The following CSMD1 variants were observed in gnomAD, a reference collection of about 807,000 sequenced individuals.
The protein encoded by CSMD1 is CUB and Sushi multiple domains 1, also known as CUB and sushi domain-containing protein 1.
A neutral mutation model predicts 417.5 loss-of-function variants in CSMD1; 213 were observed. The observed-to-expected ratio is 0.51, with a 90% CI of 0.46 to 0.57. The LOEUF (loss-of-function observed/expected upper bound fraction) is 0.57. CSMD1 is among the 20% of genes least tolerant of loss of function. CSMD1 has a pLI of 0.00. For synonymous variants in CSMD1, 2,862 were observed against 1,736.8 expected (o/e 1.65, Z -16.11); for missense variants, 6,923 against 4,529.7 (o/e 1.53, Z -15.17).
intron 2 of CSMD1, among the ~76,000 whole-genome samples, chr8:4,493,061 T>C (rs972782991): frequency 1.3e-5 from 2 of 152,156 alleles, no homozygotes; most frequent in Non-Finnish European, 2.9e-5. Flanking sequence ...ATTTCAGTTC[T>C]GAGGTTAATA....
chr8:3,567,425 T>C (rs2116899625), intron 10 of CSMD1, among the ~76,000 whole-genome samples: 1 of 147,294 alleles, frequency 6.8e-6, no homozygotes, highest in African/African-American at 2.5e-5. Flanking sequence ...AATAAAAGTT[T>C]TAAAAATAAA....
intron 26 of CSMD1, among the ~76,000 whole-genome samples, chr8:3,237,074 A>C (rs542911548): frequency 6.6e-6 from 1 of 151,964 alleles, no homozygotes; most frequent in Non-Finnish European, 1.5e-5. Context: ...ACTGTTTCCA[A>C]CAGCAGGATT....
intron 3 of CSMD1, among the ~76,000 whole-genome samples, chr8:4,082,579 C>A (rs1161212551): frequency 1.3e-5 from 2 of 151,528 alleles, no homozygotes; most frequent in Admixed American, 6.6e-5. Flanking sequence ...CATTATGAGC[C>A]TAGAAGAAAA....
intron 5 of CSMD1, among the ~76,000 whole-genome samples, chr8:3,782,721 C>G (rs1252899672): frequency 6.6e-6 from 1 of 152,094 alleles, no homozygotes; most frequent in African/African-American, 2.4e-5. Context: ...GTTCAAGGAG[C>G]TGGGTGTTGG....
chr8:4,934,245 G>GA (rs548987499), intron 1 of CSMD1, among the ~76,000 whole-genome samples: 1 of 152,024 alleles, frequency 6.6e-6, no homozygotes, highest in African/African-American at 2.4e-5. Flanking sequence ...CCCCAAGGCA[G>GA]AAAAAAATAA....
intron 2 of CSMD1, among the ~76,000 whole-genome samples, chr8:4,434,411 C>T (rs913825987): frequency 8.5e-5 from 13 of 152,284 alleles, no homozygotes; most frequent in African/African-American, 3.1e-4. Flanking sequence ...TGTTTGGCAG[C>T]ACAAGCCACT....
chr8:3,490,380 G>A (rs1248476127), intron 11 of CSMD1, among the ~76,000 whole-genome samples: 1 of 152,128 alleles, frequency 6.6e-6, no homozygotes, highest in Non-Finnish European at 1.5e-5. Context: ...ATGAGTGTAT[G>A]ATTTTAGATC....
Position 2,974,563 on chromosome 8 carries a change from G to C in CSMD1, c.8628C>G (p.Thr2876=). The C allele has an allele frequency of 6.2e-7, 1 of 1,613,084 alleles. No homozygotes were observed. Among genetic ancestry groups the C allele is most frequent in the Non-Finnish European group, 8.5e-7 (1 of 1,179,498 alleles). ...AGGAGTAGTGCACGACGGCGCCATA[G>C]GTAAACAGCTCTCCAGTGAGGACGG... ...ANAVLTGELF[T]YGAVVHYSCR... is the part of the protein sequence containing the mutation. The change falls in exon 56 of 70, where the codon ACC becomes ACG. Residue 2876 remains threonine, a synonymous_variant. Transcript: ENST00000635120.
intron 5 of CSMD1, among the ~76,000 whole-genome samples, chr8:3,974,898 T>C (rs1291806386): frequency 1.3e-5 from 2 of 152,292 alleles, no homozygotes; most frequent in Non-Finnish European, 2.9e-5. Flanking sequence ...ATAACATATA[T>C]TTTTATCTAC....
intron 1 of CSMD1, among the ~76,000 whole-genome samples, chr8:4,735,119 T>C (rs1247197276): frequency 6.6e-6 from 1 of 152,210 alleles, no homozygotes; most frequent in Non-Finnish European, 1.5e-5. Flanking sequence ...AAAAGGTATT[T>C]TGGAGCTGGT....
chr8:2,966,822 G>A (rs1804003231), intron 57 of CSMD1, 76 bp from the exon 58 acceptor site: 5 of 1,356,820 alleles, frequency 3.7e-6, no homozygotes, highest in East Asian at 2.4e-5. Context: ...GAGACCAATG[G>A]GTATCAGTGC....
At chr8:4,381,691 G>A (rs1803113424) in intron 3 of CSMD1, among the ~76,000 whole-genome samples, 1 of 152,168 alleles carries the variant, frequency 6.6e-6, no homozygotes, top group Admixed American at 6.5e-5. Context: ...AGAAGCAGAT[G>A]CGTCAACATC....
chr8:4,466,748 C>G (rs911877165), intron 2 of CSMD1, among the ~76,000 whole-genome samples: 22 of 151,992 alleles, frequency 1.4e-4, no homozygotes, highest in African/African-American at 5.3e-4. Context: ...TCCAATAATA[C>G]TATATTTATC....
intron 1 of CSMD1, among the ~76,000 whole-genome samples, chr8:4,818,933 T>G (rs1212549883): frequency 6.6e-6 from 1 of 152,222 alleles, no homozygotes; most frequent in African/African-American, 2.4e-5. Context: ...GGGTTTCTGA[T>G]TCCAAGACCT....
intron 54 of CSMD1, among the ~76,000 whole-genome samples, chr8:2,992,431 C>T (rs645058): frequency 0.19 from 28,196 of 151,514 alleles, 5,149 homozygotes; most frequent in African/African-American, 0.48. Context: ...GTTGTTGTTG[C>T]TGTTTTTTTT....
At chr8:2,995,086 T>C (rs1806762366) in intron 54 of CSMD1, among the ~76,000 whole-genome samples, 1 of 152,186 alleles carries the variant, frequency 6.6e-6, no homozygotes, top group African/African-American at 2.4e-5. Flanking sequence ...CAAAGGACCC[T>C]GTGAAGAGGA....
Position 2,974,435 on chromosome 8 carries a change from C to G in CSMD1, c.8740+16G>C, listed in dbSNP as rs775608444. The G allele has an allele frequency of 2.0e-6, 3 of 1,534,388 alleles. No homozygotes were observed. The highest frequency in any genetic ancestry group is 1.4e-5 in the African/African-American group (1 of 72,338). On this transcript the variant is annotated intron_variant, in intron 56 of 69. Transcript: ENST00000635120. The stretch of plus-strand genomic sequence containing the variant: ...TGAAATCTGTAATTCTGTCAGTTCA[C>G]TCGTAAGCCCCTCACCTGTGCAGTG...
chr8:4,722,661 C>A (rs1479532737), intron 1 of CSMD1, among the ~76,000 whole-genome samples: 4 of 151,642 alleles, frequency 2.6e-5, no homozygotes, highest in Admixed American at 1.3e-4. Context: ...TCATTACTAT[C>A]CTCAGCGGAA....
intron 1 of CSMD1, among the ~76,000 whole-genome samples, chr8:4,831,385 A>G (rs1800139977): frequency 6.6e-6 from 1 of 152,204 alleles, no homozygotes; most frequent in Non-Finnish European, 1.5e-5. Flanking sequence ...AAACAATGAC[A>G]AAGGACAAAA....
Sources: allele counts gnomAD v4.1 joint callset (sites outside exome capture counted in the v4.1 genomes callset), GRCh38; gene constraint gnomAD v4.1.1; transcripts MANE v1.5; gene names NCBI Gene and HGNC (gene_info 2026-07-23, HGNC 2026-07-21).